SLC5A4: variants seen among roughly 807,000 people sequenced by gnomAD.
SLC5A4 encodes the protein solute carrier family 5 member 4.
A neutral mutation model predicts 70.3 loss-of-function variants in SLC5A4; 55 were observed. The observed-to-expected ratio is 0.78, with a 90% confidence interval of 0.63 to 0.98. The LOEUF (loss-of-function observed/expected upper bound fraction) is 0.98. SLC5A4 is among the 50% of genes least tolerant of loss of function. The pLI is 0.00. For missense variants in SLC5A4, 735 were observed against 839.2 expected, an observed-to-expected ratio of 0.88 and a Z score of 1.53; for synonymous variants, 268 against 305.7, an observed-to-expected ratio of 0.88 and a Z score of 1.29.
chr22:32,313,605 CAG>C, the SLC5A4 span, among the ~76,000 whole-genome samples: 1 of 152,178 alleles, frequency 6.6e-6, no homozygotes, highest in African/African-American at 2.4e-5. Flanking sequence ...CTTTGAATGG[CAG>C]AGTCAAGTTG....
At chr22:32,330,193 T>C in the SLC5A4 span, among the ~76,000 whole-genome samples, 1 of 78,552 alleles carries the variant, frequency 1.3e-5, no homozygotes, top group East Asian at 4.5e-4. Context: ...CTTTGGTATG[T>C]GTGTTGGGCC....
At chr22:32,302,990 G>A in the SLC5A4 span, among the ~76,000 whole-genome samples, 1 of 151,912 alleles carries the variant, frequency 6.6e-6, no homozygotes, top group African/African-American at 2.4e-5. Context: ...ATTTCCTTCA[G>A]CAGTGTTTTC....
chr22:32,281,122 G>T, the SLC5A4 span, among the ~76,000 whole-genome samples: 1 of 152,164 alleles, frequency 6.6e-6, no homozygotes, highest in Admixed American at 6.5e-5. Flanking sequence ...TCTAACAAGA[G>T]CCCGTCTGTC....
chr22:32,218,640 C>T lies in SLC5A4; in HGVS notation c.1854G>A (p.Glu618=). 1 of 1,613,978 alleles carries T rather than the reference C, an allele frequency of 6.2e-7. No homozygotes were observed. The highest frequency in any genetic ancestry group is 8.5e-7 in the Non-Finnish European group (1 of 1,179,984). ...GCTTCTTGCTCAAGGCTTCCTCCTC[C>T]TCCTTGGTTAGCTTGGGTCCCTTCT... ...GLQKGPKLTK[E]EEEALSKKLT... is the part of the protein sequence containing the mutation. The change falls in exon 15 of 15, where the codon GAG becomes GAA. Residue 618 remains glutamate (E), a synonymous_variant. Coordinates refer to ENST00000266086, the MANE Select transcript of SLC5A4 (RefSeq NM_014227.3).
At chr22:32,258,438 A>G (rs1349994781), upstream of SLC5A4, among the ~76,000 whole-genome samples, 2 of 152,208 alleles carry the variant, frequency 1.3e-5, no homozygotes, top group Non-Finnish European at 2.9e-5. Flanking sequence ...AGACTTAGAC[A>G]TTTCTCAAAA....
At chr22:32,304,443 G>GTT in the SLC5A4 span, among the ~76,000 whole-genome samples, 4 of 151,494 alleles carry the variant, frequency 2.6e-5, no homozygotes, top group African/African-American at 4.9e-5. Context: ...TGCCCAGCTT[G>GTT]TTTTTTCTTT....
At chr22:32,228,193 T>G (rs1569367817) in intron 11 of SLC5A4, among the ~76,000 whole-genome samples, 1 of 152,110 alleles carries the variant, frequency 6.6e-6, no homozygotes, top group African/African-American at 2.4e-5. Flanking sequence ...CATCCATGTT[T>G]TAACTGTTTT....
chr22:32,223,803 T>C (rs576988588), intron 13 of SLC5A4, among the ~76,000 whole-genome samples: 1 of 152,362 alleles, frequency 6.6e-6, no homozygotes, highest in South Asian at 2.1e-4. Flanking sequence ...TTGCACATAC[T>C]AGGTGCAAAT....
the SLC5A4 span, among the ~76,000 whole-genome samples, chr22:32,323,876 ACTC>A: frequency 6.6e-6 from 1 of 151,744 alleles, no homozygotes; most frequent in South Asian, 2.1e-4. Flanking sequence ...GCCCCTCCTC[ACTC>A]CTTTTTGCTG....
Position 32,230,968 on chromosome 22 carries a change from C to T in SLC5A4, c.1129G>A (p.Gly377Arg), listed in dbSNP as rs1925718018. Reference sequence around the variant, plus strand: ...TGTCCCAGCAGGGACATTTTCCTACCTTGGGGCATCAGTTCCAGCACCATC... The same window carrying T: ...TGTCCCAGCAGGGACATTTTCCTACTTTGGGGCATCAGTTCCAGCACCATC... ...PTMVLELMPQGLRGLMLSVML... is the reference protein window; with the variant it reads ...PTMVLELMPQRLRGLMLSVML... Residue 377 changes from glycine (G) to arginine (R), a missense_variant and splice_region_variant, in exon 10 of 15, where the codon GGA becomes AGA. Coordinates refer to ENST00000266086, the MANE Select transcript of SLC5A4 (RefSeq NM_014227.3). 3 of 1,607,066 alleles carry T rather than the reference C, an allele frequency of 1.9e-6. No homozygotes were observed. The highest frequency in any genetic ancestry group is 2.6e-6 in the Non-Finnish European group (3 of 1,173,662).
chr22:32,271,850 C>A, the SLC5A4 span: 2 of 607,356 alleles, frequency 3.3e-6, no homozygotes, highest in Non-Finnish European at 6.4e-6. Flanking sequence ...GAAGATCCCG[C>A]TGTGCTGCAC....
chr22:32,238,902 G>A, intron 6 of SLC5A4, 83 bp downstream of exon 6: 6 of 941,942 alleles, frequency 6.4e-6, no homozygotes, highest in Admixed American at 1.7e-5. Context: ...CAGTGACAAG[G>A]TTAACACTGA....
chr22:32,350,219 A>G, the SLC5A4 span, among the ~76,000 whole-genome samples: 1 of 152,222 alleles, frequency 6.6e-6, no homozygotes, highest in Admixed American at 6.5e-5. Flanking sequence ...GACTACCGAA[A>G]TAATTCAGTC....
chr22:32,311,276 G>A, the SLC5A4 span, among the ~76,000 whole-genome samples: 12 of 152,232 alleles, frequency 7.9e-5, no homozygotes, highest in Admixed American at 6.5e-4. Context: ...TGTTGTGTCT[G>A]GTGAATGGAT....
chr22:32,323,315 G>A, the SLC5A4 span, among the ~76,000 whole-genome samples: 8 of 152,150 alleles, frequency 5.3e-5, no homozygotes, highest in Admixed American at 1.3e-4. Context: ...CTCCCCAAAA[G>A]CTGAAGCAAT....
chr22:32,305,000 T>G, the SLC5A4 span, among the ~76,000 whole-genome samples: 2 of 152,232 alleles, frequency 1.3e-5, no homozygotes, highest in Non-Finnish European at 2.9e-5. Flanking sequence ...TCCATTCTGT[T>G]GCTTTTGCTC....
At chr22:32,306,841 A>G in the SLC5A4 span, among the ~76,000 whole-genome samples, 1 of 152,204 alleles carries the variant, frequency 6.6e-6, no homozygotes, top group Non-Finnish European at 1.5e-5. Flanking sequence ...TACTAGCTTT[A>G]AAACGGGAAA....
the SLC5A4 span, among the ~76,000 whole-genome samples, chr22:32,335,984 C>A: frequency 6.6e-6 from 1 of 152,316 alleles, no homozygotes; most frequent in Admixed American, 6.5e-5. Flanking sequence ...AGCATCTATT[C>A]TTGGAAGCAG....
chr22:32,348,904 A>G, the SLC5A4 span, among the ~76,000 whole-genome samples: 4 of 152,238 alleles, frequency 2.6e-5, no homozygotes, highest in Admixed American at 1.3e-4. Context: ...TAAATGTCCC[A>G]TAACTTGCTT....
Sources: gnomAD v4.1 joint callset for allele counts (sites outside exome capture counted in the v4.1 genomes callset) on GRCh38, gnomAD v4.1.1 for gene constraint, MANE v1.5 for transcripts, NCBI Gene and HGNC (gene_info 2026-07-23, HGNC 2026-07-21) for gene names.